PKHD1: variants seen among roughly 807,000 people sequenced by gnomAD.
PKHD1 encodes PKHD1 ciliary IPT domain containing fibrocystin/polyductin.
PKHD1 carries 291 observed loss-of-function variants against 412.0 expected under a neutral mutation model. That is an observed-to-expected ratio of 0.71 (90% CI 0.64 to 0.78). PKHD1 has a LOEUF of 0.78. Ranked by LOEUF, PKHD1 falls within the 30% of genes least tolerant of loss-of-function variation. The probability of loss-of-function intolerance (pLI) is 0.00; values close to 1 mark genes in which losing one functional copy is unlikely to be tolerated. For missense variants in PKHD1, 4,825 were observed against 4,950.7 expected (o/e 0.97, Z 0.76); for synonymous variants, 1,777 against 1,821.5 (o/e 0.98, Z 0.62).
At position 52,050,115 on chromosome 6, in the gene PKHD1, AT is replaced by A. The variant is rs759245813; in HGVS notation, c.2279+41del. ...CCTGTGTCCCTCAAGGCCAACAAGCATTCTTAGGAGAAGGGACAGGTGTAAA... is the reference window on the plus strand; with the variant it reads ...CCTGTGTCCCTCAAGGCCAACAAGCATCTTAGGAGAAGGGACAGGTGTAAA... On this transcript the variant is annotated intron_variant, in intron 22 of 66. Transcript: ENST00000371117. The A allele has an allele frequency of 3.3e-5, 53 of 1,606,298 alleles. No homozygotes were observed. In the Middle Eastern group the frequency reaches 9.7e-4, roughly 29 times the overall value.
At chr6:52,052,163 G>A (rs778581038) in intron 21 of PKHD1, among the ~76,000 whole-genome samples, 2 of 152,140 alleles carry the variant, frequency 1.3e-5, no homozygotes, top group African/African-American at 4.8e-5. Context: ...TTCTTGGAGA[G>A]GGAAATAAAC....
At chr6:51,650,358 T>C (rs770717772) in intron 61 of PKHD1, among the ~76,000 whole-genome samples, 1 of 152,130 alleles carries the variant, frequency 6.6e-6, no homozygotes, top group Non-Finnish European at 1.5e-5. Context: ...TGCAGACACC[T>C]GGACATCACA....
chr6:51,636,480 G>C (rs2150318308), intron 64 of PKHD1, among the ~76,000 whole-genome samples: 1 of 152,184 alleles, frequency 6.6e-6, no homozygotes, highest in Admixed American at 6.5e-5. Flanking sequence ...CTGGGAGGTT[G>C]AGACTGCAAT....
intron 52 of PKHD1, among the ~76,000 whole-genome samples, chr6:51,826,150 C>A (rs1317417137): frequency 6.6e-6 from 1 of 152,100 alleles, no homozygotes; most frequent in African/African-American, 2.4e-5. Context: ...TATCACCAAC[C>A]TATTATGATC....
chr6:51,764,667 A>G (rs1419436617), intron 55 of PKHD1, among the ~76,000 whole-genome samples: 3 of 152,074 alleles, frequency 2.0e-5, no homozygotes, highest in Non-Finnish European at 4.4e-5. Context: ...ACCAACCCAA[A>G]TGTCCAACAA....
chr6:51,682,181 A>C (rs573899577), intron 60 of PKHD1: 7 of 455,396 alleles, frequency 1.5e-5, no homozygotes, highest in South Asian at 6.2e-5. Context: ...CATATATACT[A>C]TCTCCTGCTT....
At chr6:51,639,633 G>A (rs2580019) in intron 63 of PKHD1, among the ~76,000 whole-genome samples, 6,506 of 152,010 alleles carry the variant, frequency 0.043, 238 homozygotes, top group African/African-American at 0.093. Context: ...CTAACAGTAG[G>A]TCATCCATTT....
intron 60 of PKHD1, among the ~76,000 whole-genome samples, chr6:51,710,963 T>A (rs1427538196): frequency 2.0e-5 from 3 of 152,200 alleles, no homozygotes; most frequent in Non-Finnish European, 4.4e-5. Context: ...TCTTGTGTGC[T>A]ACTTCAAATC....
At chr6:51,792,546 T>C (rs1793924771) in intron 52 of PKHD1, among the ~76,000 whole-genome samples, 1 of 152,198 alleles carries the variant, frequency 6.6e-6, no homozygotes, top group African/African-American at 2.4e-5. Context: ...ATTTCTCTTG[T>C]TTTCCTAAGT....
At chr6:51,863,102 T>C (rs1348308482) in intron 48 of PKHD1, among the ~76,000 whole-genome samples, 1 of 152,210 alleles carries the variant, frequency 6.6e-6, no homozygotes, top group Non-Finnish European at 1.5e-5. Context: ...ATACCCATTT[T>C]AGTGATGAAA....
chr6:51,989,940 GAAGGAAGAAAGGAAGGAAAGA>G (rs1796776835), intron 35 of PKHD1, among the ~76,000 whole-genome samples: 6 of 107,482 alleles, frequency 5.6e-5, no homozygotes, highest in African/African-American at 7.8e-5. Context: ...AGGAAAGAAG[GAAGGAAGAAAGGAAGGAAAGA>G]AGGAAGGAAG....
chr6:51,821,888 T>G (rs1431266179), intron 52 of PKHD1, among the ~76,000 whole-genome samples: 2 of 152,174 alleles, frequency 1.3e-5, no homozygotes, highest in Non-Finnish European at 2.9e-5. Context: ...GGTTTCACCA[T>G]GTTGGCCAGG....
intron 66 of PKHD1, among the ~76,000 whole-genome samples, 175 bp downstream of exon 66, chr6:51,626,822 C>A (rs150564832): frequency 1.4e-3 from 207 of 152,204 alleles, no homozygotes; most frequent in Non-Finnish European, 2.4e-3. Flanking sequence ...GCTGAGTGAA[C>A]CAGCCAGACC....
chr6:51,869,961 C>A (rs537991205), intron 47 of PKHD1, among the ~76,000 whole-genome samples: 1 of 152,232 alleles, frequency 6.6e-6, no homozygotes, highest in South Asian at 2.1e-4. Context: ...GCCCATGAGT[C>A]CTCCAAGTTA....
chr6:51,906,258 G>C lies in PKHD1; in HGVS notation c.6765C>G (p.Asp2255Glu). Residue 2255 changes from aspartate (D) to glutamate (E), a missense_variant, in exon 41 of 67, where the codon GAC becomes GAG. Asp to Glu is a conservative substitution (Grantham distance 45). Coordinates refer to ENST00000371117, the MANE Select transcript of PKHD1 (RefSeq NM_138694.4). ...CTAAAATATTGTAGAATACATTACT[G>C]TCCACCTTCAGGCCCAAGGTCCCGC... is the stretch of plus-strand genomic sequence containing the variant. ...SMCGTLGLKV[D>E]SNVFYNILGH... The C allele has an allele frequency of 6.2e-7, 1 of 1,610,948 alleles. No homozygotes were observed. Among genetic ancestry groups the C allele is most frequent in the East Asian group, 2.2e-5 (1 of 44,844 alleles).
At chr6:51,900,408 C>A (rs1418158545) in intron 43 of PKHD1, among the ~76,000 whole-genome samples, 3 of 152,260 alleles carry the variant, frequency 2.0e-5, no homozygotes, top group Admixed American at 6.5e-5. Context: ...CTGAGAAAAA[C>A]AAGCAATGGG....
At chr6:51,927,424 G>T (rs1225263529) in intron 37 of PKHD1, among the ~76,000 whole-genome samples, 2 of 152,134 alleles carry the variant, frequency 1.3e-5, no homozygotes, top group South Asian at 2.1e-4. Flanking sequence ...TGCCACTTTT[G>T]CCATCCCTGG....
At chr6:51,666,019 C>A (rs1019294541) in intron 60 of PKHD1, among the ~76,000 whole-genome samples, 1 of 151,944 alleles carries the variant, frequency 6.6e-6, no homozygotes, top group Non-Finnish European at 1.5e-5. Context: ...TCAAGTATGA[C>A]GGTGAGTATT....
intron 63 of PKHD1, among the ~76,000 whole-genome samples, chr6:51,644,686 T>C (rs575433468): frequency 1.4e-5 from 2 of 139,626 alleles, no homozygotes; most frequent in South Asian, 4.3e-4. Context: ...GATAAGCTGA[T>C]TTTGTTTTGT....
Sources: allele counts gnomAD v4.1 joint callset (sites outside exome capture counted in the v4.1 genomes callset), GRCh38; gene constraint gnomAD v4.1.1; transcripts MANE v1.5; gene names NCBI Gene and HGNC (gene_info 2026-07-23, HGNC 2026-07-21).